Variants in CAPN7 observed in about 807,000 individuals in gnomAD.
The protein encoded by CAPN7 is calpain 7.
Under a neutral mutation model 115.2 loss-of-function variants are expected in CAPN7, and 72 were observed. The observed-to-expected ratio is 0.63, with a 90% confidence interval of 0.52 to 0.76. The LOEUF is 0.76. Ranked by LOEUF, CAPN7 falls within the 30% of genes least tolerant of loss-of-function variation. The probability of loss-of-function intolerance (pLI) is 0.00; values close to 1 mark genes in which losing one functional copy is unlikely to be tolerated. For missense variants in CAPN7, 905 were observed against 971.5 expected, an observed-to-expected ratio of 0.93 and a Z score of 0.91; for synonymous variants, 344 against 322.3, an observed-to-expected ratio of 1.07 and a Z score of -0.72.
chr3:15,233,174 A>G (rs571583498), intron 10 of CAPN7, among the ~76,000 whole-genome samples: 7 of 152,320 alleles, frequency 4.6e-5, no homozygotes, highest in South Asian at 2.1e-4. Context: ...TAGCCTCTTC[A>G]TGTATCCATA....
chr3:15,249,924 G>A (rs918826408), intron 19 of CAPN7, among the ~76,000 whole-genome samples: 11 of 151,400 alleles, frequency 7.3e-5, no homozygotes, highest in Admixed American at 3.3e-4. Context: ...ACCACCATGC[G>A]CAGCTAATTT....
intron 16 of CAPN7, among the ~76,000 whole-genome samples, chr3:15,244,351 A>G (rs986030293): frequency 2.0e-5 from 3 of 152,208 alleles, no homozygotes; most frequent in Admixed American, 2.0e-4. Flanking sequence ...CATCTTATGT[A>G]TAGTGATTTT....
At chr3:15,210,831 CT>C (rs1393690385) in intron 1 of CAPN7, 1 of 1,289,584 alleles carries the variant, frequency 7.8e-7, no homozygotes, top group Non-Finnish European at 1.0e-6. Context: ...GCTCAAACAA[CT>C]GGATTCAAAA....
intron 1 of CAPN7, 50 bp downstream of exon 1, chr3:15,206,647 C>A: frequency 7.3e-7 from 1 of 1,364,242 alleles, no homozygotes. Context: ...CGGAGTGCGG[C>A]CCGGGCCTGC....
At chr3:15,224,671 A>G (rs761033984) in intron 6 of CAPN7, among the ~76,000 whole-genome samples, 1 of 152,142 alleles carries the variant, frequency 6.6e-6, no homozygotes, top group Non-Finnish European at 1.5e-5. Context: ...AGGTAACAAA[A>G]TTTTGTGATT....
At chr3:15,210,200 A>G (rs557747824) in intron 1 of CAPN7, among the ~76,000 whole-genome samples, 26 of 151,896 alleles carry the variant, frequency 1.7e-4, no homozygotes, top group East Asian at 5.8e-4. Context: ...GGATTTCACT[A>G]TGTTGCCCAG....
rs767816389 is a variant in CAPN7, at chr3:15,223,537, G to T, written c.701G>T (p.Arg234Leu). Residue 234 changes from arginine to leucine, a missense_variant, in exon 6 of 21, where the codon CGT becomes CTT. Around this residue, in one of 3 missense-constraint regions of CAPN7, gnomAD observed 620 missense variants for 703.4 expected, o/e 0.88. Coordinates refer to ENST00000253693, the MANE Select transcript of CAPN7 (RefSeq NM_014296.3). Reference protein sequence around the residue: ...VPFMNVDLRERFAYPMPFCDR... With the variant: ...VPFMNVDLRELFAYPMPFCDR... ...TTCATGAATGTTGACCTGAGAGAAC[G>T]TTTTGCCTATCCAATGCCTTTCTGG... is the stretch of plus-strand genomic sequence containing the variant. The T allele has an allele frequency of 1.9e-6, 3 of 1,604,060 alleles. No homozygotes were observed. Among genetic ancestry groups the T allele is most frequent in the Non-Finnish European group, 1.7e-6 (2 of 1,175,140 alleles).
intron 14 of CAPN7, 139 bp downstream of exon 14, chr3:15,240,992 C>G: frequency 5.3e-6 from 3 of 561,252 alleles, no homozygotes; most frequent in Non-Finnish European, 9.3e-6. Context: ...ATCAGTTGAC[C>G]TCAGGAGTTC....
rs1054562407 is a variant in CAPN7, at chr3:15,252,448, A to T, written c.*1188A>T. The T allele has an allele frequency of 1.3e-5, 2 of 152,498 alleles. No individual in the cohort carries two copies. The highest frequency in any genetic ancestry group is 6.5e-5 in the Admixed American group (1 of 15,282). The allele number at this position is 152,498 out of a possible 1,614,324, so 9.4% of individuals were successfully genotyped here. A position where few individuals can be genotyped will look rare whatever the true frequency, so the allele number is the denominator to read the frequency against. The stretch of plus-strand genomic sequence containing the variant: ...AGTGGTAGATTATTACACTAATGAG[A>T]TTTCACTTTGGTAAATACTTCATGC... On this transcript the variant is annotated 3_prime_UTR_variant, in exon 21 of 21. Coordinates refer to ENST00000253693, the MANE Select transcript of CAPN7 (RefSeq NM_014296.3).
chr3:15,214,441 A>G (rs1281993838), intron 2 of CAPN7, among the ~76,000 whole-genome samples: 3 of 152,018 alleles, frequency 2.0e-5, no homozygotes, highest in East Asian at 3.9e-4. Context: ...TAACCAGTAT[A>G]GGCCGGCACA....
At chr3:15,226,784 T>C (rs751254392) in intron 6 of CAPN7, among the ~76,000 whole-genome samples, 1 of 152,162 alleles carries the variant, frequency 6.6e-6, no homozygotes. Context: ...AACTAATACT[T>C]TAACCAGGAG....
intron 2 of CAPN7, among the ~76,000 whole-genome samples, chr3:15,213,911 G>A (rs887760980): frequency 2.8e-5 from 4 of 145,448 alleles, no homozygotes; most frequent in African/African-American, 5.2e-5. Flanking sequence ...GTGGAGTCTC[G>A]TTCTGTCTTC....
At chr3:15,237,245 A>T (rs1037130268) in intron 12 of CAPN7, among the ~76,000 whole-genome samples, 1 of 151,406 alleles carries the variant, frequency 6.6e-6, no homozygotes, top group Non-Finnish European at 1.5e-5. Flanking sequence ...TTTTCTGTTA[A>T]TTTTTTTTTA....
In CAPN7 at chr3:15,212,118, C is replaced by T; in HGVS notation, c.117C>T (p.Ala39=). 6.2e-7 allele frequency: 1 copy of T among 1,605,400 alleles called. No individual in the cohort carries two copies. The highest frequency in any genetic ancestry group is 2.2e-5 in the East Asian group (1 of 44,532). ...AVFYYKEAAQ[A]LIYAEMAGSS... is the part of the protein sequence containing the mutation. ...TTCATTTTTAGGAAGCTGCACAAGC[C>T]TTAATTTATGCTGAGATGGCAGGAT... Residue 39 remains alanine, a synonymous_variant, in exon 2 of 21, where the codon GCC becomes GCT. Coordinates refer to ENST00000253693, the MANE Select transcript of CAPN7 (RefSeq NM_014296.3).
chr3:15,241,231 T>A (rs1220947237), intron 14 of CAPN7, among the ~76,000 whole-genome samples: 4 of 152,000 alleles, frequency 2.6e-5, no homozygotes, highest in Non-Finnish European at 5.9e-5. Flanking sequence ...AACGGAATGG[T>A]TAATTTAGGA....
chr3:15,228,325 T>A (rs2124944997), intron 7 of CAPN7, among the ~76,000 whole-genome samples: 1 of 152,368 alleles, frequency 6.6e-6, no homozygotes, highest in Admixed American at 6.5e-5. Flanking sequence ...TATTTAATTT[T>A]CTAGGATTTA....
At position 15,224,279 on chromosome 3, in the gene CAPN7, T is replaced by C. The variant is rs201162892; in HGVS notation, c.725+718T>C. On this transcript the variant is annotated intron_variant, in intron 6 of 20. Coordinates refer to ENST00000253693, the MANE Select transcript of CAPN7 (RefSeq NM_014296.3). Reference sequence around the variant, plus strand: ...TGATGTCCCAAATTTTTTTTTTTTTTCTTTTTTTTTGAGATAGGGTCTCAC... The same window carrying C: ...TGATGTCCCAAATTTTTTTTTTTTTCCTTTTTTTTTGAGATAGGGTCTCAC... 9.4e-5 allele frequency among the ~76,000 whole-genome samples: 14 copies of C among 149,254 alleles called. No homozygotes were observed. In the South Asian group the frequency reaches 1.3e-3, roughly 13 times the overall value.
chr3:15,235,240 C>G, intron 12 of CAPN7, 95 bp downstream of exon 12: 2 of 1,145,288 alleles, frequency 1.7e-6, no homozygotes, highest in Non-Finnish European at 2.5e-6. Context: ...ACTGACAAAT[C>G]AAGGTTTAAG....
intron 5 of CAPN7, among the ~76,000 whole-genome samples, chr3:15,223,181 A>G (rs573960740): frequency 5.9e-4 from 90 of 152,332 alleles, no homozygotes; most frequent in Admixed American, 2.9e-3. Context: ...GGCTTAGCAT[A>G]GAATTGGTTT....
Sources: allele counts gnomAD v4.1 joint callset (sites outside exome capture counted in the v4.1 genomes callset), GRCh38; gene constraint gnomAD v4.1.1; regional missense constraint gnomAD v4.1.1; transcripts MANE v1.5; gene names NCBI Gene and HGNC (gene_info 2026-07-23, HGNC 2026-07-21).